Variants in EHBP1 observed in about 807,000 individuals in gnomAD.
The protein encoded by EHBP1 is EH domain binding protein 1.
A neutral mutation model predicts 144.0 loss-of-function variants in EHBP1; 55 were observed. The ratio of observed to expected loss-of-function variants is 0.38; its 90% CI spans 0.31 to 0.48. The LOEUF (loss-of-function observed/expected upper bound fraction) is 0.48. EHBP1 is among the 20% of genes least tolerant of loss of function. The pLI is 0.98. For missense variants in EHBP1, 1,200 were observed against 1,364.2 expected (o/e 0.88, Z 1.90); for synonymous variants, 469 against 472.7 (o/e 0.99, Z 0.10).
chr2:62,842,180 A>C (rs2047940932), intron 7 of EHBP1, among the ~76,000 whole-genome samples: 1 of 151,838 alleles, frequency 6.6e-6, no homozygotes, highest in South Asian at 2.1e-4. Flanking sequence ...TCCACCTCCC[A>C]GGTTCAAGGG....
At chr2:62,700,527 A>C (rs996865141) in intron 1 of EHBP1, among the ~76,000 whole-genome samples, 1 of 152,002 alleles carries the variant, frequency 6.6e-6, no homozygotes, top group Non-Finnish European at 1.5e-5. Flanking sequence ...AGCCAGCTCC[A>C]TGGATTGTTG....
chr2:62,929,300 T>A (rs77127810), intron 10 of EHBP1, among the ~76,000 whole-genome samples: 14,970 of 152,088 alleles, frequency 0.098, 947 homozygotes, highest in Non-Finnish European at 0.14. Context: ...CAGACTAATA[T>A]CCCTATGAAC....
chr2:62,830,151 TAGACACACAC>T (rs1273760969), intron 6 of EHBP1, among the ~76,000 whole-genome samples: 2 of 64,800 alleles, frequency 3.1e-5, no homozygotes, highest in Non-Finnish European at 6.4e-5. Flanking sequence ...TATATATATA[TAGACACACAC>T]ACACACACAC....
chr2:62,824,032 AT>A (rs1162519991), intron 5 of EHBP1, among the ~76,000 whole-genome samples: 1 of 152,020 alleles, frequency 6.6e-6, no homozygotes, highest in African/African-American at 2.4e-5. Context: ...AAAGACACTG[AT>A]TTACCAGATG....
Position 62,707,185 on chromosome 2 carries a change from G to A in EHBP1, c.-7G>A. The stretch of plus-strand genomic sequence containing the variant: ...CCAGAACTGCTCCAGTGTCTTGACT[G>A]ATCATCATGGCTTCAGTTTGGAAGA... On this transcript the variant is annotated 5_prime_UTR_variant, in exon 2 of 23. Coordinates refer to ENST00000431489, the MANE Select transcript of EHBP1 (RefSeq NM_001142616.3). The A allele has an allele frequency of 1.2e-6, 2 of 1,613,394 alleles. No homozygotes were observed. The highest frequency in any genetic ancestry group is 1.7e-6 in the Non-Finnish European group (2 of 1,179,364).
At chr2:62,682,078 A>G (rs891244684) in intron 1 of EHBP1, among the ~76,000 whole-genome samples, 4 of 152,250 alleles carry the variant, frequency 2.6e-5, no homozygotes, top group Non-Finnish European at 4.4e-5. Context: ...TTTGCCTTCA[A>G]TGGACAGAGA....
chr2:62,975,133 C>T (rs2058656266), intron 14 of EHBP1, among the ~76,000 whole-genome samples: 1 of 152,168 alleles, frequency 6.6e-6, no homozygotes, highest in Non-Finnish European at 1.5e-5. Context: ...GCCAGAATGA[C>T]TGAAGGCTGA....
chr2:62,727,888 G>T (rs958565599), intron 2 of EHBP1, among the ~76,000 whole-genome samples: 7 of 152,176 alleles, frequency 4.6e-5, no homozygotes, highest in Non-Finnish European at 4.4e-5. Flanking sequence ...AAGGGAGACA[G>T]CAGAGGTGCA....
chr2:62,962,928 T>A (rs2058068638), intron 14 of EHBP1, among the ~76,000 whole-genome samples: 1 of 152,202 alleles, frequency 6.6e-6, no homozygotes, highest in Non-Finnish European at 1.5e-5. Flanking sequence ...GTTAGCATAA[T>A]GGCCCATCCA....
intron 5 of EHBP1, among the ~76,000 whole-genome samples, chr2:62,808,410 A>G (rs1655407651): frequency 6.6e-6 from 1 of 152,026 alleles, no homozygotes; most frequent in South Asian, 2.1e-4. Flanking sequence ...TAGACTACTA[A>G]TAAGCCCATC....
chr2:62,719,127 G>A (rs546128305), intron 2 of EHBP1, among the ~76,000 whole-genome samples: 2 of 151,798 alleles, frequency 1.3e-5, no homozygotes, highest in African/African-American at 2.4e-5. Flanking sequence ...CACCACGCCC[G>A]GCTAATTTTT....
intron 7 of EHBP1, chr2:62,858,367 C>A: frequency 7.2e-7 from 1 of 1,380,290 alleles, no homozygotes; most frequent in Non-Finnish European, 1.0e-6. Context: ...AATTAAATGA[C>A]CTTACCTTAT....
intron 5 of EHBP1, among the ~76,000 whole-genome samples, chr2:62,811,182 A>C (rs559517370): frequency 6.6e-6 from 1 of 152,308 alleles, no homozygotes; most frequent in Non-Finnish European, 1.5e-5. Context: ...CATTTGTGCT[A>C]CCAAACTCTC....
intron 10 of EHBP1, among the ~76,000 whole-genome samples, chr2:62,908,879 T>C (rs1165373682): frequency 6.6e-6 from 1 of 152,220 alleles, no homozygotes; most frequent in African/African-American, 2.4e-5. Flanking sequence ...TCAGGTTTGT[T>C]TTGCTTCACC....
chr2:62,902,877 T>G (rs1054109162), intron 10 of EHBP1, among the ~76,000 whole-genome samples: 1 of 152,230 alleles, frequency 6.6e-6, no homozygotes, highest in African/African-American at 2.4e-5. Flanking sequence ...GATATTAGTT[T>G]GTTATATAGA....
chr2:62,749,388 A>T (rs2039461292), intron 3 of EHBP1, among the ~76,000 whole-genome samples: 2 of 152,170 alleles, frequency 1.3e-5, no homozygotes, highest in African/African-American at 2.4e-5. Flanking sequence ...TCTATCATTA[A>T]TGGACATTTG....
rs1020641297 is a variant in EHBP1, at chr2:62,952,912, G to A, written c.2317-2605G>A. Among the ~76,000 whole-genome samples the A allele has an allele frequency of 7.2e-5, 11 of 152,164 alleles. No homozygotes were observed. In the South Asian group the frequency reaches 2.3e-3, roughly 32 times the overall value. On this transcript the variant is annotated intron_variant, in intron 13 of 22. Coordinates refer to ENST00000431489, the MANE Select transcript of EHBP1 (RefSeq NM_001142616.3). ...TCCTACTTTCAGGAATTTTTCCTAA[G>A]GAAATAATTAGAATTGTATAATATG...
intron 10 of EHBP1, among the ~76,000 whole-genome samples, chr2:62,886,541 C>T (rs188319500): frequency 4.7e-4 from 72 of 151,584 alleles, no homozygotes; most frequent in African/African-American, 1.6e-3. Flanking sequence ...GTAATAGAAA[C>T]AAGACATGTA....
intron 2 of EHBP1, among the ~76,000 whole-genome samples, chr2:62,743,897 C>G (rs1008992055): frequency 1.3e-5 from 2 of 152,080 alleles, no homozygotes; most frequent in Admixed American, 1.3e-4. Context: ...GTCTCCTGTC[C>G]TTTTTCCTAG....
Sources: gnomAD v4.1 joint callset for allele counts (sites outside exome capture counted in the v4.1 genomes callset) on GRCh38, gnomAD v4.1.1 for gene constraint, MANE v1.5 for transcripts, NCBI Gene and HGNC (gene_info 2026-07-23, HGNC 2026-07-21) for gene names.